STXBP5L: variants seen among roughly 807,000 people sequenced by gnomAD.
STXBP5L encodes syntaxin binding protein 5L.
In STXBP5L, 65 loss-of-function variants were observed where a neutral mutation model predicts 144.5. That is an observed-to-expected ratio of 0.45 (90% CI 0.37 to 0.55). The LOEUF is 0.55. STXBP5L is among the 20% of genes least tolerant of loss of function. The pLI is 0.00. For synonymous variants in STXBP5L, 505 were observed against 469.6 expected (o/e 1.08, Z -0.97); for missense variants, 1,298 against 1,405.5 (o/e 0.92, Z 1.22).
chr3:121,330,745 A>T (rs1289087757), intron 20 of STXBP5L, among the ~76,000 whole-genome samples: 1 of 152,116 alleles, frequency 6.6e-6, no homozygotes, highest in Non-Finnish European at 1.5e-5. Flanking sequence ...AGAAGGAGAA[A>T]ACTTGTGCAT....
intron 3 of STXBP5L, among the ~76,000 whole-genome samples, chr3:120,986,225 C>G (rs898198154): frequency 2.0e-5 from 3 of 151,894 alleles, no homozygotes; most frequent in African/African-American, 4.8e-5. Flanking sequence ...TGATTTCTAA[C>G]TTCATCCCAT....
At chr3:120,986,006 A>C (rs594724) in intron 3 of STXBP5L, among the ~76,000 whole-genome samples, 1 of 151,244 alleles carries the variant, frequency 6.6e-6, no homozygotes, top group African/African-American at 2.4e-5. Context: ...TTATAAAGTT[A>C]TTTGTTTGAG....
chr3:121,092,365 A>G (rs1204619551), intron 5 of STXBP5L, among the ~76,000 whole-genome samples: 6 of 152,062 alleles, frequency 3.9e-5, no homozygotes, highest in African/African-American at 7.2e-5. Flanking sequence ...CTTGGGCAGT[A>G]TGGCCATTTT....
intron 5 of STXBP5L, among the ~76,000 whole-genome samples, chr3:121,053,896 A>G (rs1389148379): frequency 6.6e-6 from 1 of 152,200 alleles, no homozygotes; most frequent in Non-Finnish European, 1.5e-5. Flanking sequence ...TTACAAGAAA[A>G]AAAAACAAAC....
chr3:121,319,467 G>T (rs6438615), intron 20 of STXBP5L, among the ~76,000 whole-genome samples: 2 of 151,946 alleles, frequency 1.3e-5, no homozygotes, highest in African/African-American at 4.8e-5. Context: ...CAGGAATCTA[G>T]GCTATGTATA....
intron 5 of STXBP5L, among the ~76,000 whole-genome samples, chr3:121,058,586 C>A (rs1359587666): frequency 6.6e-6 from 1 of 152,154 alleles, no homozygotes; most frequent in East Asian, 1.9e-4. Context: ...ATTTACACTC[C>A]CACCAACAGT....
intron 3 of STXBP5L, among the ~76,000 whole-genome samples, chr3:121,010,639 A>C (rs897287059): frequency 6.6e-6 from 1 of 151,840 alleles, no homozygotes; most frequent in African/African-American, 2.4e-5. Context: ...AAACTTTACT[A>C]ATAGCCTACT....
At chr3:120,909,498 A>G (rs1708714063) in intron 1 of STXBP5L, 73 bp from the exon 2 acceptor site, 2 of 1,306,000 alleles carry the variant, frequency 1.5e-6, no homozygotes, top group Non-Finnish European at 2.1e-6. Context: ...GAAAAGAGAA[A>G]GGCTTTTACC....
intron 19 of STXBP5L, among the ~76,000 whole-genome samples, chr3:121,307,197 C>T (rs956114516): frequency 6.6e-5 from 10 of 152,084 alleles, no homozygotes; most frequent in African/African-American, 1.2e-4. Context: ...AGGAATCAGT[C>T]GTCAGTACCC....
chr3:121,132,388 G>C (rs756865966), intron 7 of STXBP5L, among the ~76,000 whole-genome samples: 2 of 152,188 alleles, frequency 1.3e-5, no homozygotes, highest in Non-Finnish European at 2.9e-5. Flanking sequence ...GTGGTGGCTT[G>C]AGCTGGTAGA....
intron 3 of STXBP5L, among the ~76,000 whole-genome samples, chr3:121,035,860 T>A (rs1467777080): frequency 6.6e-6 from 1 of 152,210 alleles, no homozygotes; most frequent in Non-Finnish European, 1.5e-5. Context: ...ATATTGAGTC[T>A]TGAACATCTT....
chr3:121,126,946 C>G (rs1310547024), intron 7 of STXBP5L, among the ~76,000 whole-genome samples: 1 of 152,170 alleles, frequency 6.6e-6, no homozygotes, highest in Non-Finnish European at 1.5e-5. Flanking sequence ...AATTGTGCCT[C>G]TTTCTCACCA....
rs1272150243 is a variant in STXBP5L at position 121,367,606 on chromosome 3, T to G, written c.2177-11110T>G. ...TGTCTTCGACTCTTGTTTTTTTTTT[T>G]TTTTTTTTTTTTTTTTAAACAGGTT... On this transcript the variant is annotated intron_variant, in intron 20 of 26. Coordinates refer to ENST00000471454, the MANE Select transcript of STXBP5L (RefSeq NM_001308330.2). Among the ~76,000 whole-genome samples the G allele has an allele frequency of 3.6e-5, 5 of 140,292 alleles. No homozygotes were observed. In the East Asian group the frequency reaches 6.0e-4, roughly 17 times the overall value. 92.0% of individuals were successfully genotyped at this position (140,292 alleles called of 152,430 possible). A position where few individuals can be genotyped will look rare whatever the true frequency, so the allele number is the denominator to read the frequency against.
intron 5 of STXBP5L, among the ~76,000 whole-genome samples, chr3:121,077,086 TCA>T (rs2042049583): frequency 6.6e-6 from 1 of 152,196 alleles, no homozygotes; most frequent in South Asian, 2.1e-4. Flanking sequence ...ACCATCTCTT[TCA>T]CACACTTTCA....
intron 19 of STXBP5L, among the ~76,000 whole-genome samples, chr3:121,281,091 A>G (rs543808030): frequency 6.6e-6 from 1 of 151,994 alleles, no homozygotes; most frequent in Non-Finnish European, 1.5e-5. Flanking sequence ...CAAGTGGCAG[A>G]TATGTCAAAT....
intron 9 of STXBP5L, among the ~76,000 whole-genome samples, chr3:121,200,718 T>C (rs1413426788): frequency 1.3e-5 from 2 of 152,216 alleles, no homozygotes; most frequent in Non-Finnish European, 2.9e-5. Context: ...AGCTTATTTA[T>C]TTCTGCCTTA....
At chr3:121,313,079 C>T (rs1435311855) in intron 19 of STXBP5L, among the ~76,000 whole-genome samples, 9 of 148,960 alleles carry the variant, frequency 6.0e-5, no homozygotes, top group Non-Finnish European at 1.2e-4. Flanking sequence ...GGCGGCTGGC[C>T]GGGCGGGGGG....
At chr3:121,385,457 C>T (rs1398912833) in intron 22 of STXBP5L, among the ~76,000 whole-genome samples, 23 of 152,180 alleles carry the variant, frequency 1.5e-4, no homozygotes, top group Admixed American at 1.5e-3. Context: ...GATCCATCCT[C>T]ATGATCTAAT....
chr3:121,382,243 G>A (rs1163584277), intron 22 of STXBP5L, among the ~76,000 whole-genome samples: 2 of 152,024 alleles, frequency 1.3e-5, no homozygotes, highest in East Asian at 3.9e-4. Context: ...TTACTCTGCA[G>A]GATAAGGGTT....
Sources: allele counts gnomAD v4.1 joint callset (sites outside exome capture counted in the v4.1 genomes callset), GRCh38; gene constraint gnomAD v4.1.1; transcripts MANE v1.5; gene names NCBI Gene and HGNC (gene_info 2026-07-23, HGNC 2026-07-21).